Variants in CHKA observed in about 807,000 individuals in gnomAD.
CHKA encodes CHETK-alpha.
Under a neutral mutation model 60.1 loss-of-function variants are expected in CHKA, and 34 were observed. The ratio of observed to expected loss-of-function variants is 0.57; its 90% confidence interval spans 0.43 to 0.75. The LOEUF is 0.75. Among genes scored for constraint, CHKA ranks in the 30% least tolerant of loss-of-function variants. The pLI, the probability that CHKA is intolerant of heterozygous loss-of-function variation, is 0.00. For missense variants in CHKA, 563 were observed against 561.3 expected, an observed-to-expected ratio of 1.00 and a Z score of -0.03; for synonymous variants, 217 against 223.1, an observed-to-expected ratio of 0.97 and a Z score of 0.24.
At chr11:68,078,207 C>T (rs1253901696) in intron 3 of CHKA, among the ~76,000 whole-genome samples, 2 of 152,164 alleles carry the variant, frequency 1.3e-5, no homozygotes, top group African/African-American at 4.8e-5. Flanking sequence ...AACTGGGCAA[C>T]ACTTATTAAT....
rs749211062 is a variant in CHKA, at chr11:68,097,126, C to T, written c.355G>A (p.Gly119Ser). 102 of 1,612,222 alleles carry T rather than the reference C, an allele frequency of 6.3e-5. No homozygotes were observed. Among genetic ancestry groups the T allele is most frequent in the Non-Finnish European group, 8.2e-5 (97 of 1,178,940 alleles). Residue 119 changes from glycine to serine, a missense_variant, in exon 2 of 12, where the codon GGC becomes AGC. Transcript: ENST00000265689. The stretch of plus-strand genomic sequence containing the variant: ...CACTGGAACAGCATGTTGCTAAGGC[C>T]GCCTCTGTCAGAAATAAGAGGACAG... Reference protein sequence around the residue: ...DEFHISVIRGGLSNMLFQCSL... With the variant: ...DEFHISVIRGSLSNMLFQCSL...
Position 68,070,765 on chromosome 11 carries a change from T to C in CHKA, c.723A>G (p.Pro241=). The C allele has an allele frequency of 6.2e-7, 1 of 1,613,240 alleles. No homozygotes were observed. Among genetic ancestry groups the C allele is most frequent in the South Asian group, 1.1e-5 (1 of 91,042 alleles). ...AAAGCCATTTTGGTTCCTTATTGAATGGCATTTTCATACCATGAAATGTAG... is the reference window on the plus strand; with the variant it reads ...AAAGCCATTTTGGTTCCTTATTGAACGGCATTTTCATACCATGAAATGTAG... ...KMATFHGMKM[P]FNKEPKWLFG... is the part of the protein sequence containing the mutation. The change falls in exon 5 of 12, where the codon CCA becomes CCG. Residue 241 remains proline (P), a synonymous_variant. Transcript: ENST00000265689.
intron 2 of CHKA, chr11:68,082,196 T>C (rs531344732): frequency 6.6e-6 from 1 of 152,032 alleles, no homozygotes; most frequent in African/African-American, 2.4e-5. Context: ...TTAACTACCA[T>C]AAACAACCCT....
At chr11:68,080,579 C>T (rs1000855493) in intron 3 of CHKA, among the ~76,000 whole-genome samples, 11 of 152,194 alleles carry the variant, frequency 7.2e-5, no homozygotes, top group Admixed American at 2.0e-4. Flanking sequence ...AACTCCTGAC[C>T]TCATGATCCA....
intron 7 of CHKA, among the ~76,000 whole-genome samples, chr11:68,068,405 G>A (rs921191449): frequency 1.3e-5 from 2 of 151,636 alleles, no homozygotes; most frequent in African/African-American, 4.8e-5. Flanking sequence ...ATATTCTTTC[G>A]GATTTCTTCC....
intron 10 of CHKA, among the ~76,000 whole-genome samples, chr11:68,064,316 G>A (rs928806484): frequency 3.9e-5 from 6 of 152,212 alleles, no homozygotes; most frequent in East Asian, 3.9e-4. Flanking sequence ...GCTGAGACAG[G>A]AGAATTGCTT....
In CHKA at chr11:68,074,833, A is replaced by C; in HGVS notation, c.517-3T>G. On this transcript the variant is annotated splice_region_variant and splice_polypyrimidine_tract_variant and intron_variant, in intron 3 of 11. Coordinates refer to ENST00000265689, the MANE Select transcript of CHKA (RefSeq NM_001277.3). ...TCCAGAACCATGGCCTCAGCCCCCT[A>C]AAACAGATGGCAACAAATCAGGTGT... The C allele has an allele frequency of 6.2e-7, 1 of 1,614,058 alleles. No homozygotes were observed. Among genetic ancestry groups the C allele is most frequent in the Non-Finnish European group, 8.5e-7 (1 of 1,179,954 alleles).
At chr11:68,071,079 C>T (rs910292780) in intron 4 of CHKA, among the ~76,000 whole-genome samples, 1 of 152,216 alleles carries the variant, frequency 6.6e-6, no homozygotes, top group Non-Finnish European at 1.5e-5. Context: ...AGATCTATTT[C>T]ATTTTGAACC....
chr11:68,105,159 G>GA (rs1857866695), intron 1 of CHKA, among the ~76,000 whole-genome samples: 1 of 151,566 alleles, frequency 6.6e-6, no homozygotes, highest in Non-Finnish European at 1.5e-5. Flanking sequence ...TATAAAACAA[G>GA]AAAAACCCAT....
At chr11:68,099,549 A>C (rs142820363) in intron 1 of CHKA, among the ~76,000 whole-genome samples, 1 of 152,242 alleles carries the variant, frequency 6.6e-6, no homozygotes. Flanking sequence ...AGGGAACCCA[A>C]AGTTCTTGTT....
At chr11:68,071,007 C>T in intron 4 of CHKA, 150 bp from the exon 5 acceptor site, 1 of 704,520 alleles carries the variant, frequency 1.4e-6, no homozygotes, top group East Asian at 2.8e-5. Context: ...CACTGTGTCC[C>T]TACAGACAGT....
chr11:68,066,833 T>C (rs1022259835), intron 7 of CHKA, among the ~76,000 whole-genome samples: 1 of 152,214 alleles, frequency 6.6e-6, no homozygotes, highest in African/African-American at 2.4e-5. Flanking sequence ...CCAAATGTTC[T>C]GCATGGTGGC....
At chr11:68,085,666 A>T (rs1857155671) in intron 2 of CHKA, among the ~76,000 whole-genome samples, 1 of 152,218 alleles carries the variant, frequency 6.6e-6, no homozygotes, top group Non-Finnish European at 1.5e-5. Flanking sequence ...AGTGCTTAAA[A>T]GCGTGTATTA....
intron 3 of CHKA, among the ~76,000 whole-genome samples, chr11:68,080,679 T>C (rs992358053): frequency 6.6e-6 from 1 of 152,170 alleles, no homozygotes; most frequent in South Asian, 2.1e-4. Context: ...CAATATACAA[T>C]TGGTAAAAGT....
chr11:68,069,094 G>A (rs1026264732), intron 6 of CHKA, among the ~76,000 whole-genome samples, 157 bp from the exon 7 acceptor site: 5 of 152,078 alleles, frequency 3.3e-5, no homozygotes, highest in East Asian at 1.9e-4. Flanking sequence ...GCGTCATTAC[G>A]TGGCAACAAC....
intron 10 of CHKA, among the ~76,000 whole-genome samples, chr11:68,062,476 A>G (rs114941470): frequency 8.3e-4 from 126 of 152,308 alleles, no homozygotes; most frequent in African/African-American, 3.0e-3. Flanking sequence ...TCCTTGAGCA[A>G]GAGAATTCTC....
chr11:68,084,395 CAT>C (rs1195770929), intron 2 of CHKA, among the ~76,000 whole-genome samples: 8 of 106,274 alleles, frequency 7.5e-5, no homozygotes, highest in Admixed American at 7.4e-4. Flanking sequence ...TATATACACA[CAT>C]ATACGTATAT....
intron 1 of CHKA, among the ~76,000 whole-genome samples, chr11:68,107,951 G>A (rs2153028662): frequency 6.6e-6 from 1 of 152,230 alleles, no homozygotes; most frequent in African/African-American, 2.4e-5. Flanking sequence ...ATCTCATTGT[G>A]GAAAACTAAA....
In CHKA at chr11:68,053,973, G is replaced by C; in HGVS notation, c.*15C>G. On this transcript the variant is annotated 3_prime_UTR_variant, in exon 12 of 12. Transcript: ENST00000265689. ...ATGCAGTCCAGTGATGAGGTGGATG[G>C]AGTCCTCCCCACAGTCACACCCCAA... is the stretch of plus-strand genomic sequence containing the variant. The C allele has an allele frequency of 6.2e-7, 1 of 1,611,952 alleles. No homozygotes were observed. Among genetic ancestry groups the C allele is most frequent in the Non-Finnish European group, 8.5e-7 (1 of 1,178,558 alleles).
Sources: allele counts gnomAD v4.1 joint callset (sites outside exome capture counted in the v4.1 genomes callset), GRCh38; gene constraint gnomAD v4.1.1; transcripts MANE v1.5; gene names NCBI Gene and HGNC (gene_info 2026-07-23, HGNC 2026-07-21).